The following PPP2R2C variants were observed in gnomAD, a reference collection of about 807,000 sequenced individuals.
The protein encoded by PPP2R2C is protein phosphatase 2 regulatory subunit Bgamma.
In PPP2R2C, 10 loss-of-function variants were observed where a neutral mutation model predicts 45.3. The ratio of observed to expected loss-of-function variants is 0.22; its 90% CI spans 0.14 to 0.37. The LOEUF is 0.37. PPP2R2C is among the 10% of genes least tolerant of loss of function. PPP2R2C has a pLI of 1.00. For missense variants in PPP2R2C, 308 were observed against 619.7 expected (o/e 0.50, Z 5.34); for synonymous variants, 257 against 245.4 (o/e 1.05, Z -0.44).
At chr4:6,371,984 A>G (rs199998202) in intron 5 of PPP2R2C, among the ~76,000 whole-genome samples, 15 of 152,118 alleles carry the variant, frequency 9.9e-5, no homozygotes, top group African/African-American at 3.4e-4. Context: ...GGAATCGTCA[A>G]TGCTGCTGCT....
chr4:6,440,594 T>G (rs1720106506), intron 1 of PPP2R2C, among the ~76,000 whole-genome samples: 1 of 152,200 alleles, frequency 6.6e-6, no homozygotes, highest in South Asian at 2.1e-4. Context: ...CCCAACCAAT[T>G]GGGAGACCCA....
intron 1 of PPP2R2C, among the ~76,000 whole-genome samples, chr4:6,431,492 A>C (rs944322237): frequency 6.6e-6 from 1 of 152,182 alleles, no homozygotes; most frequent in African/African-American, 2.4e-5. Flanking sequence ...TCAGGCTGGC[A>C]GTCACCCTGG....
chr4:6,363,145 C>A (rs1713963940), intron 5 of PPP2R2C, among the ~76,000 whole-genome samples: 1 of 152,154 alleles, frequency 6.6e-6, no homozygotes, highest in African/African-American at 2.4e-5. Flanking sequence ...AGGAAGCCCT[C>A]AGTCATGTTG....
intron 1 of PPP2R2C, among the ~76,000 whole-genome samples, chr4:6,401,198 C>A (rs1717388160): frequency 6.6e-6 from 1 of 152,086 alleles, no homozygotes; most frequent in South Asian, 2.1e-4. Flanking sequence ...AGCTTGCCTG[C>A]CCCTCTGAGA....
At position 6,510,605 on chromosome 4, in the gene PPP2R2C, C is replaced by T. The variant is rs572499841; in HGVS notation, c.49+24666G>A. Among the ~76,000 whole-genome samples the T allele has an allele frequency of 6.6e-5, 10 of 152,320 alleles. No individual in the cohort carries two copies. In the East Asian group the frequency reaches 7.7e-4, roughly 12 times the overall value. Reference sequence around the variant, plus strand: ...ATGCACATACACACGCACGCACACACGCACACCAGAATGTCTTCTCAGCCC... The same window carrying T: ...ATGCACATACACACGCACGCACACATGCACACCAGAATGTCTTCTCAGCCC... On this transcript the variant is annotated intron_variant, in intron 2 of 9. Transcript: ENST00000506140.
chr4:6,462,973 G>A (rs1019922184), intron 1 of PPP2R2C, among the ~76,000 whole-genome samples: 1 of 152,194 alleles, frequency 6.6e-6, no homozygotes, highest in Non-Finnish European at 1.5e-5. Context: ...AGGGGCTCCA[G>A]GGAGCGGCAT....
chr4:6,383,850 T>C, intron 1 of PPP2R2C: 3 of 992,046 alleles, frequency 3.0e-6, no homozygotes, highest in Non-Finnish European at 3.6e-6. Context: ...ATGCCTTTTC[T>C]TTTTCCAGTC....
At chr4:6,499,386 C>T (rs766822684) in intron 2 of PPP2R2C, among the ~76,000 whole-genome samples, 8 of 152,208 alleles carry the variant, frequency 5.3e-5, no homozygotes, top group South Asian at 2.1e-4. Context: ...TCTCTCCCTT[C>T]GGCTGCATGA....
At chr4:6,461,157 C>A (rs1157365933) in intron 1 of PPP2R2C, among the ~76,000 whole-genome samples, 2 of 152,166 alleles carry the variant, frequency 1.3e-5, no homozygotes, top group Non-Finnish European at 2.9e-5. Flanking sequence ...GCGTCCCTGA[C>A]CTCCTAGCCA....
chr4:6,557,518 C>G (rs73796261), intron 1 of PPP2R2C, among the ~76,000 whole-genome samples: 2 of 152,038 alleles, frequency 1.3e-5, no homozygotes, highest in Middle Eastern at 3.2e-3. Flanking sequence ...GAAGCTGCGA[C>G]CTGAAGGATG....
chr4:6,323,307 G>A lies in PPP2R2C; in HGVS notation c.1339C>T (p.His447Tyr), dbSNP rs1450253169. ...GGGCCGGGAACTGCACATACCTAGT[G>A]CATGTCAGAGTTTACCTTGTCCTGG... ...IFQDKVNSDM[H>Y] Residue 447 changes from histidine to tyrosine, a missense_variant, in exon 9 of 9, where the codon CAC becomes TAC. By Grantham distance (83) the His-to-Tyr change is moderately conservative (BLOSUM62 2). Coordinates refer to ENST00000382599, the MANE Select transcript of PPP2R2C (RefSeq NM_020416.4). The A allele has an allele frequency of 2.5e-6, 4 of 1,598,970 alleles. No homozygotes were observed. The highest frequency in any genetic ancestry group is 3.4e-6 in the Non-Finnish European group (4 of 1,168,136).
At chr4:6,556,503 T>C (rs1725404558) in intron 1 of PPP2R2C, among the ~76,000 whole-genome samples, 1 of 152,174 alleles carries the variant, frequency 6.6e-6, no homozygotes, top group Non-Finnish European at 1.5e-5. Flanking sequence ...GCCAATTCCG[T>C]GTGCGTGTGT....
Position 6,378,653 on chromosome 4 carries a change from C to T in PPP2R2C, c.169-81G>A, listed in dbSNP as rs762383325. On this transcript the variant is annotated intron_variant, in intron 2 of 8. Coordinates refer to ENST00000382599, the MANE Select transcript of PPP2R2C (RefSeq NM_020416.4). The surrounding 1 kb of genome is among the most constrained non-coding windows in gnomAD (Gnocchi z 5.2). ...AGGACCTCCGGGGACCCAGCAGGGC[C>T]GGCCGTGGGACCAAGTGCCGAGCCG... 3.5e-4 allele frequency: 518 copies of T among 1,461,488 alleles called. No homozygotes were observed. Among genetic ancestry groups the T allele is most frequent in the Non-Finnish European group, 2.9e-4 (318 of 1,079,538 alleles). 90.5% of individuals were successfully genotyped at this position (1,461,488 alleles called of 1,614,324 possible).
chr4:6,375,576 A>C (rs1048275080), intron 4 of PPP2R2C, among the ~76,000 whole-genome samples: 9 of 152,204 alleles, frequency 5.9e-5, no homozygotes. Flanking sequence ...GGTGAAAAGC[A>C]CTTTACAGCC....
chr4:6,521,078 G>A (rs1171080511), intron 2 of PPP2R2C, among the ~76,000 whole-genome samples: 1 of 152,198 alleles, frequency 6.6e-6, no homozygotes, highest in Non-Finnish European at 1.5e-5. Context: ...GGAAAGTAAG[G>A]TTCGAAAAGG....
intron 8 of PPP2R2C, among the ~76,000 whole-genome samples, chr4:6,325,886 A>C (rs949751545): frequency 6.6e-6 from 1 of 151,910 alleles, no homozygotes; most frequent in Non-Finnish European, 1.5e-5. Context: ...TGGGGAAAGA[A>C]AGGCTCCTGC....
intron 1 of PPP2R2C, among the ~76,000 whole-genome samples, chr4:6,387,767 G>C (rs1375997865): frequency 6.7e-6 from 1 of 149,718 alleles, no homozygotes; most frequent in Non-Finnish European, 1.5e-5. Context: ...AATGAGCCGA[G>C]ATTGCACCAT....
At position 6,470,495 on chromosome 4, in the gene PPP2R2C, C is replaced by G. The variant is rs2108768761; in HGVS notation, c.70+1665G>C. ...CAACGAGCCCTGCGCCCCATCCCAC[C>G]GTCATCCCCAACGTAGAGATGAGCA... On this transcript the variant is annotated intron_variant, in intron 1 of 8. Coordinates refer to ENST00000382599, the MANE Select transcript of PPP2R2C (RefSeq NM_020416.4). Among the ~76,000 whole-genome samples, 4 of 152,334 alleles carry G rather than the reference C, an allele frequency of 2.6e-5. No individual in the cohort carries two copies. The Middle Eastern group carries it at 0.014, about 518-fold the overall frequency.
At chr4:6,434,976 T>G (rs1394868358) in intron 1 of PPP2R2C, among the ~76,000 whole-genome samples, 1 of 152,236 alleles carries the variant, frequency 6.6e-6, no homozygotes, top group Non-Finnish European at 1.5e-5. Context: ...CTCTATGTCT[T>G]TCTGTTGACC....
Sources: gnomAD v4.1 joint callset for allele counts (sites outside exome capture counted in the v4.1 genomes callset) on GRCh38, gnomAD v4.1.1 for gene constraint, Gnocchi (gnomAD v3.1) non-coding constraint, MANE v1.5 for transcripts, NCBI Gene and HGNC (gene_info 2026-07-23, HGNC 2026-07-21) for gene names.